The following CDH12 variants were observed in gnomAD, a reference collection of about 807,000 sequenced individuals.
The protein encoded by CDH12 is cadherin-12.
A neutral mutation model predicts 74.1 loss-of-function variants in CDH12; 41 were observed. The ratio of observed to expected loss-of-function variants is 0.55; its 90% confidence interval spans 0.43 to 0.72. The LOEUF (loss-of-function observed/expected upper bound fraction) is 0.72, where lower values mean the gene tolerates loss of function less well. CDH12 is among the 30% of genes least tolerant of loss of function. CDH12 has a pLI of 0.00. For missense variants in CDH12, 945 were observed against 977.2 expected, an observed-to-expected ratio of 0.97 and a Z score of 0.44; for synonymous variants, 399 against 355.0, an observed-to-expected ratio of 1.12 and a Z score of -1.39.
intron 5 of CDH12, among the ~76,000 whole-genome samples, chr5:22,022,576 G>A (rs533433548): frequency 2.2e-4 from 33 of 152,188 alleles, no homozygotes; most frequent in Admixed American, 8.5e-4. Flanking sequence ...TATCATGGAC[G>A]AAATAATAGA....
At chr5:22,759,915 C>T (rs938188967) in intron 1 of CDH12, among the ~76,000 whole-genome samples, 5 of 152,154 alleles carry the variant, frequency 3.3e-5, no homozygotes, top group African/African-American at 1.2e-4. Context: ...GGTAGAATTC[C>T]CCTTATCTAG....
At chr5:22,404,666 T>C (rs1319930972) in intron 3 of CDH12, among the ~76,000 whole-genome samples, 2 of 152,146 alleles carry the variant, frequency 1.3e-5, no homozygotes, top group African/African-American at 2.4e-5. Context: ...TAAGCTACAA[T>C]ACCTGTAGAA....
intron 3 of CDH12, among the ~76,000 whole-genome samples, chr5:22,303,886 C>T (rs1232378549): frequency 1.3e-5 from 2 of 152,002 alleles, no homozygotes; most frequent in Non-Finnish European, 2.9e-5. Flanking sequence ...GAGATCATTC[C>T]ACCGCACCAT....
chr5:22,802,035 T>C (rs1393112593), intron 1 of CDH12, among the ~76,000 whole-genome samples: 4 of 152,098 alleles, frequency 2.6e-5, no homozygotes, highest in African/African-American at 9.7e-5. Context: ...TACATGGTGA[T>C]TGCCTAAAAT....
At chr5:22,298,661 C>T (rs1392135885) in intron 3 of CDH12, among the ~76,000 whole-genome samples, 1 of 152,134 alleles carries the variant, frequency 6.6e-6, no homozygotes, top group Admixed American at 6.5e-5. Flanking sequence ...CTCATTCACA[C>T]CACCAGTTGG....
Position 22,373,477 on chromosome 5 carries a change from G to A in CDH12, c.-333+31780C>T, listed in dbSNP as rs183610366. 3.0e-3 allele frequency among the ~76,000 whole-genome samples: 455 copies of A among 152,270 alleles called. 1 individual carries two copies. The highest frequency in any genetic ancestry group is 5.0e-3 in the Non-Finnish European group (342 of 68,032). On this transcript the variant is annotated intron_variant, in intron 3 of 14. Coordinates refer to ENST00000382254, the MANE Select transcript of CDH12 (RefSeq NM_004061.5). ...ATCCAAGCAAGCCATCTGGAGGCCC[G>A]AGAATTGGCTCACCTAAACCTGTTA...
chr5:22,302,214 A>C (rs1188516226), intron 3 of CDH12, among the ~76,000 whole-genome samples: 1 of 152,160 alleles, frequency 6.6e-6, no homozygotes, highest in Non-Finnish European at 1.5e-5. Context: ...GAAATGAACA[A>C]AACTAGTACA....
At chr5:22,248,746 A>G (rs1245688264) in intron 3 of CDH12, among the ~76,000 whole-genome samples, 1 of 152,206 alleles carries the variant, frequency 6.6e-6, no homozygotes. Context: ...TCATAGCTGT[A>G]CATTAACTGT....
intron 3 of CDH12, among the ~76,000 whole-genome samples, chr5:22,214,124 C>G (rs1243027795): frequency 6.6e-6 from 1 of 151,962 alleles, no homozygotes; most frequent in Non-Finnish European, 1.5e-5. Context: ...CATTAAAATA[C>G]AAGCTCTTGG....
At chr5:22,838,799 C>T (rs1736954155) in intron 1 of CDH12, among the ~76,000 whole-genome samples, 1 of 151,854 alleles carries the variant, frequency 6.6e-6, no homozygotes, top group Non-Finnish European at 1.5e-5. Flanking sequence ...CCACCTCAGC[C>T]TCCTGAGTAG....
At chr5:22,049,522 G>A (rs1275690118) in intron 5 of CDH12, among the ~76,000 whole-genome samples, 3 of 151,780 alleles carry the variant, frequency 2.0e-5, no homozygotes, top group African/African-American at 7.3e-5. Context: ...TTTAAAATAT[G>A]TTTCTAGTCT....
chr5:21,958,635 T>G (rs1339777188), intron 6 of CDH12, among the ~76,000 whole-genome samples: 1 of 152,154 alleles, frequency 6.6e-6, no homozygotes, highest in African/African-American at 2.4e-5. Context: ...GGTTCTTTAT[T>G]CTGTTCTATT....
chr5:22,337,854 C>CA (rs1244516215), intron 3 of CDH12, among the ~76,000 whole-genome samples: 2 of 152,218 alleles, frequency 1.3e-5, no homozygotes, highest in African/African-American at 2.4e-5. Flanking sequence ...AAATGCCAGA[C>CA]AAAACCACAA....
chr5:21,775,229 A>C (rs1029009164), intron 11 of CDH12, among the ~76,000 whole-genome samples: 2 of 152,168 alleles, frequency 1.3e-5, no homozygotes, highest in African/African-American at 4.8e-5. Context: ...CACCACAAAG[A>C]ATCCACACCT....
At chr5:21,840,927 C>T (rs1749807508) in intron 8 of CDH12, among the ~76,000 whole-genome samples, 1 of 151,910 alleles carries the variant, frequency 6.6e-6, no homozygotes, top group Non-Finnish European at 1.5e-5. Context: ...TAGGCATTAC[C>T]ATTCAGGACA....
chr5:22,739,055 T>C lies in CDH12; in HGVS notation c.-523+114003A>G, dbSNP rs185819409. 4.5e-4 allele frequency among the ~76,000 whole-genome samples: 69 copies of C among 152,192 alleles called. 1 individual carries two copies. The highest frequency in any genetic ancestry group is 3.1e-4 in the Non-Finnish European group (21 of 67,964). ...TACATTAATTTCATTATTCCATATA[T>C]GTCTTTTAAAATAAAGAAAATCACG... On this transcript the variant is annotated intron_variant, in intron 1 of 14. Transcript: ENST00000382254.
At chr5:22,437,270 G>A (rs2126533988) in intron 2 of CDH12, among the ~76,000 whole-genome samples, 1 of 151,396 alleles carries the variant, frequency 6.6e-6, no homozygotes, top group African/African-American at 2.4e-5. Context: ...TTATCTACTT[G>A]GATTTAGCAC....
At chr5:22,831,431 C>G (rs1736607225) in intron 1 of CDH12, among the ~76,000 whole-genome samples, 1 of 148,378 alleles carries the variant, frequency 6.7e-6, no homozygotes, top group Admixed American at 6.8e-5. Context: ...CAAGACAGAG[C>G]ATGGTGAGTG....
intron 3 of CDH12, among the ~76,000 whole-genome samples, chr5:22,376,737 A>G (rs1263294789): frequency 7.1e-6 from 1 of 141,174 alleles, no homozygotes; most frequent in Non-Finnish European, 1.5e-5. Context: ...TGCCCAGGCC[A>G]GTCTCAAAAT....
Sources: gnomAD v4.1 joint callset for allele counts (sites outside exome capture counted in the v4.1 genomes callset) on GRCh38, gnomAD v4.1.1 for gene constraint, MANE v1.5 for transcripts, NCBI Gene and HGNC (gene_info 2026-07-23, HGNC 2026-07-21) for gene names.